Variants in CYP2F1 observed in about 807,000 individuals in gnomAD.
CYP2F1 encodes cytochrome P450 family 2 subfamily F member 1.
Under a neutral mutation model 40.4 loss-of-function variants are expected in CYP2F1, and 33 were observed. The observed-to-expected ratio is 0.82, with a 90% CI of 0.62 to 1.09. The LOEUF (loss-of-function observed/expected upper bound fraction) is 1.09. CYP2F1 is among the 50% of genes least tolerant of loss of function. CYP2F1 has a pLI of 0.00. For synonymous variants in CYP2F1, 235 were observed against 277.2 expected, an observed-to-expected ratio of 0.85 and a Z score of 1.51; for missense variants, 566 against 655.7, an observed-to-expected ratio of 0.86 and a Z score of 1.49.
chr19:41,123,930 C>T (rs1472869492), intron 7 of CYP2F1, among the ~76,000 whole-genome samples: 1 of 152,044 alleles, frequency 6.6e-6, no homozygotes, highest in African/African-American at 2.4e-5. Context: ...TGCCAGGGAA[C>T]CCTACCTCTC....
intron 3 of CYP2F1, among the ~76,000 whole-genome samples, chr19:41,119,742 TATATATACACACACACAC>T (rs1253850855): frequency 1.1e-3 from 78 of 71,438 alleles, no homozygotes; most frequent in African/African-American, 3.7e-3. Flanking sequence ...TATATATATA[TATATATACACACACACAC>T]ACACACACAC....
At chr19:41,119,748 T>TATATATATACACACACAC (rs1337166345) in intron 3 of CYP2F1, among the ~76,000 whole-genome samples, 40 of 36,068 alleles carry the variant, frequency 1.1e-3, no homozygotes, top group Middle Eastern at 0.02. Context: ...TATATATATA[T>TATATATATACACACACAC]ACACACACAC....
In CYP2F1 at chr19:41,116,543, C is replaced by T. The variant is rs1410094236; in HGVS notation, c.260C>T (p.Ala87Val). ...AGCGGGTACCAAGCTGTGAAGGAGG[C>T]CCTGGTGGACCAGGGAGAGGAGTTT... ...VLSGYQAVKE[A>V]LVDQGEEFSG... The change falls in exon 3 of 10, where the codon GCC becomes GTC. Residue 87 changes from alanine (A) to valine (V), a missense_variant. By Grantham distance (64) the Ala-to-Val change is moderately conservative. Around this residue, in one of 5 missense-constraint regions of CYP2F1, gnomAD observed 264 missense variants for 275.7 expected, o/e 0.96. Transcript: ENST00000331105. The T allele has an allele frequency of 6.2e-7, 1 of 1,613,902 alleles. No homozygotes were observed. Among genetic ancestry groups the T allele is most frequent in the Non-Finnish European group, 8.5e-7 (1 of 1,179,996 alleles).
At chr19:41,124,418 C>T (rs1241023638) in intron 7 of CYP2F1, among the ~76,000 whole-genome samples, 1 of 151,932 alleles carries the variant, frequency 6.6e-6, no homozygotes, top group East Asian at 1.9e-4. Context: ...TGTGCGCCAC[C>T]AAGCCCAGCT....
chr19:41,120,042 C>A (rs985762023), intron 3 of CYP2F1, among the ~76,000 whole-genome samples: 1 of 151,974 alleles, frequency 6.6e-6, no homozygotes. Flanking sequence ...AAGACAGGCA[C>A]CCACTCTGCC....
At chr19:41,121,082 C>T (rs1599676276) in intron 4 of CYP2F1, among the ~76,000 whole-genome samples, 1 of 151,890 alleles carries the variant, frequency 6.6e-6, no homozygotes, top group Non-Finnish European at 1.5e-5. Flanking sequence ...CACTGCGTGT[C>T]GTGTGTTGGC....
intron 7 of CYP2F1, among the ~76,000 whole-genome samples, chr19:41,124,094 G>T: frequency 6.6e-6 from 1 of 151,766 alleles, no homozygotes; most frequent in African/African-American, 2.4e-5. Context: ...CCCCAAAACT[G>T]CTCCTGAAAT....
At position 41,119,520 on chromosome 19, in the gene CYP2F1, G is replaced by A. The variant is rs922819109; in HGVS notation, c.335-827G>A. On this transcript the variant is annotated intron_variant, in intron 3 of 9. Transcript: ENST00000331105. The stretch of plus-strand genomic sequence containing the variant: ...TCCCAGCACTGTGGGAGGCCAAGAC[G>A]GGTGGATCACGAGGTCAGGAGATCG... Among the ~76,000 whole-genome samples, 10 of 151,612 alleles carry A rather than the reference G, an allele frequency of 6.6e-5. No individual in the cohort carries two copies. In the East Asian group the frequency reaches 1.8e-3, roughly 27 times the overall value.
rs60423713 is a variant in CYP2F1 at position 41,124,227 on chromosome 19, C to CT, written c.965-480dup. On this transcript the variant is annotated intron_variant, in intron 7 of 9. Transcript: ENST00000331105. ...ACTTCCTCCCAGACCCTGGCTAATT[C>CT]TTTTTTTTTTTTCCTCTTCCCCCCC... Among the ~76,000 whole-genome samples, 30 of 56,498 alleles carry CT rather than the reference C, an allele frequency of 5.3e-4. 2 individuals carry two copies. The highest frequency in any genetic ancestry group is 9.0e-4 in the East Asian group (2 of 2,214). 37.1% of individuals were successfully genotyped at this position (56,498 alleles called of 152,430 possible).
rs767795874 is a variant in CYP2F1 at position 41,116,245 on chromosome 19, C to G, written c.57C>G (p.Leu19=). ...TGCTCCTGGCTCTCGTCTGTCTGCT[C>G]CTGACCCTAAGCTCAAGAGATAAGG... is the stretch of plus-strand genomic sequence containing the variant. ...LLLLLALVCL[L]LTLSSRDKGK... Residue 19 remains leucine, a synonymous_variant, in exon 2 of 10, where the codon CTC becomes CTG. Transcript: ENST00000331105. The G allele has an allele frequency of 1.2e-6, 2 of 1,614,136 alleles. No individual in the cohort carries two copies. The highest frequency in any genetic ancestry group is 3.3e-5 in the Admixed American group (2 of 60,008).
intron 8 of CYP2F1, chr19:41,125,136 C>G (rs2144761603): frequency 1.8e-6 from 1 of 566,716 alleles, no homozygotes; most frequent in Non-Finnish European, 3.0e-6. Context: ...TGACAAATCC[C>G]CTTCCTAGAA....
At position 41,121,811 on chromosome 19, in the gene CYP2F1, C is replaced by T. The variant is rs539421867; in HGVS notation, c.646-146C>T. 3 of 1,032,596 alleles carry T rather than the reference C, an allele frequency of 2.9e-6. No individual in the cohort carries two copies. In the South Asian group the frequency reaches 4.8e-5, roughly 17 times the overall value. 64.0% of individuals were successfully genotyped at this position (1,032,596 alleles called of 1,614,324 possible). A position where few individuals can be genotyped will look rare whatever the true frequency, so the allele number is the denominator to read the frequency against. On this transcript the variant is annotated intron_variant, in intron 5 of 9. Transcript: ENST00000331105. The stretch of plus-strand genomic sequence containing the variant: ...CATTTATGGCCGCCATTGCCTCCTT[C>T]CCACTCCCCCTCAGCCCCAACCCCC...
At chr19:41,114,774 C>T in intron 1 of CYP2F1, among the ~76,000 whole-genome samples, 1 of 130,208 alleles carries the variant, frequency 7.7e-6, no homozygotes, top group Non-Finnish European at 1.6e-5. Context: ...GTCTCTTTCT[C>T]TCTCTCTCTC....
intron 1 of CYP2F1, among the ~76,000 whole-genome samples, chr19:41,115,218 C>T (rs1369310258): frequency 6.6e-6 from 1 of 152,082 alleles, no homozygotes; most frequent in Non-Finnish European, 1.5e-5. Flanking sequence ...TCATTCTCGT[C>T]TCCCTCAGTC....
In CYP2F1 at chr19:41,124,839, T is replaced by A; in HGVS notation, c.1085T>A (p.Ile362Asn). The change falls in exon 8 of 10, where the codon ATC (isoleucine) becomes AAC (asparagine). Residue 362 changes from isoleucine to asparagine, a missense_variant. Ile to Asn is a moderately radical substitution (Grantham distance 149). This residue lies in a region of CYP2F1 where 128 missense variants were observed against 121.0 expected (regional missense o/e 1.06). Transcript: ENST00000331105. The part of the protein sequence containing the change: ...VIHEVQRFAD[I>N]IPMNLPHRVT... The stretch of plus-strand genomic sequence containing the variant: ...CACGAGGTGCAGCGCTTTGCAGACA[T>A]CATCCCCATGAACTTGCCGCACCGC... 6.2e-7 allele frequency: 1 copy of A among 1,611,764 alleles called. No homozygotes were observed. The highest frequency in any genetic ancestry group is 8.5e-7 in the Non-Finnish European group (1 of 1,179,864).
At chr19:41,125,752 G>A in intron 9 of CYP2F1, 118 bp downstream of exon 9, 1 of 1,610,864 alleles carries the variant, frequency 6.2e-7, no homozygotes, top group Non-Finnish European at 8.5e-7. Context: ...TGGATGCACA[G>A]AGACATTCAT....
At chr19:41,126,826 G>T (rs570995166) in intron 9 of CYP2F1, among the ~76,000 whole-genome samples, 1 of 152,108 alleles carries the variant, frequency 6.6e-6, no homozygotes, top group Non-Finnish European at 1.5e-5. Context: ...ATTGAACTTG[G>T]GAGTGGTCAT....
rs752474586 is a variant in CYP2F1, at chr19:41,124,807, G to C, written c.1053G>C (p.Ala351=). 7 of 1,611,262 alleles carry C rather than the reference G, an allele frequency of 4.3e-6. No individual in the cohort carries two copies. The highest frequency in any genetic ancestry group is 5.9e-6 in the Non-Finnish European group (7 of 1,179,716). The change falls in exon 8 of 10, where the codon GCG becomes GCC. Residue 351 remains alanine (A), a synonymous_variant. Transcript: ENST00000331105. The part of the protein sequence containing the change: ...KDRAAMPYTD[A]VIHEVQRFAD... ...GCGCGGCCATGCCTTACACAGACGC[G>C]GTGATCCACGAGGTGCAGCGCTTTG...
chr19:41,125,123 C>A (rs1480316004), intron 8 of CYP2F1: 1 of 572,952 alleles, frequency 1.7e-6, no homozygotes, highest in East Asian at 2.9e-5. Context: ...GACCCCTTCA[C>A]CATGACAAAT....
Sources: allele counts gnomAD v4.1 joint callset (sites outside exome capture counted in the v4.1 genomes callset), GRCh38; gene constraint gnomAD v4.1.1; regional missense constraint gnomAD v4.1.1; transcripts MANE v1.5; gene names NCBI Gene and HGNC (gene_info 2026-07-23, HGNC 2026-07-21).